The following BNC2 variants were observed in gnomAD, a reference collection of about 807,000 sequenced individuals.
BNC2 encodes zinc finger protein basonuclin-2.
In BNC2, 20 loss-of-function variants were observed where a neutral mutation model predicts 76.3. The ratio of observed to expected loss-of-function variants is 0.26; its 90% CI spans 0.18 to 0.38. The LOEUF (loss-of-function observed/expected upper bound fraction) is 0.38. BNC2 is among the 10% of genes least tolerant of loss of function. The pLI is 1.00. For missense variants in BNC2, 1,382 were observed against 1,399.8 expected (o/e 0.99, Z 0.20); for synonymous variants, 582 against 514.8 (o/e 1.13, Z -1.77).
intron 3 of BNC2, among the ~76,000 whole-genome samples, chr9:16,726,564 A>T (rs1448996754): frequency 2.8e-5 from 4 of 143,640 alleles, no homozygotes; most frequent in African/African-American, 1.1e-4. Context: ...CTTTTTAAAA[A>T]AAAAAAAAAA....
At chr9:16,573,875 C>T (rs1195941787) in intron 4 of BNC2, among the ~76,000 whole-genome samples, 1 of 152,194 alleles carries the variant, frequency 6.6e-6, no homozygotes, top group South Asian at 2.1e-4. Flanking sequence ...AAAGGCAAAA[C>T]CTGGTAAGAA....
chr9:16,748,840 CAAAAAAAAAAAAAAAA>C (rs33931163), intron 1 of BNC2, among the ~76,000 whole-genome samples: 1 of 57,228 alleles, frequency 1.7e-5, no homozygotes, highest in Non-Finnish European at 3.0e-5. Flanking sequence ...GAAACCGTCT[CAAAAAAAAAAAAAAAA>C]AAAAAAAAGC....
At chr9:16,738,214 T>A in intron 2 of BNC2, 146 bp downstream of exon 2, 1 of 868,450 alleles carries the variant, frequency 1.2e-6, no homozygotes, top group South Asian at 1.5e-5. Context: ...AGCAAATAAA[T>A]ACCTGAGTTT....
intron 5 of BNC2, among the ~76,000 whole-genome samples, chr9:16,439,277 A>G (rs193233572): frequency 1.8e-4 from 28 of 152,300 alleles, no homozygotes; most frequent in Non-Finnish European, 3.4e-4. Flanking sequence ...ACCTCAACTC[A>G]ATCATCAGAA....
At chr9:16,824,688 A>T (rs1818411939) in intron 1 of BNC2, among the ~76,000 whole-genome samples, 1 of 152,140 alleles carries the variant, frequency 6.6e-6, no homozygotes, top group Non-Finnish European at 1.5e-5. Flanking sequence ...ACCTAAAGGC[A>T]CCACACCTCT....
At chr9:16,651,580 C>T (rs1255084745) in intron 3 of BNC2, among the ~76,000 whole-genome samples, 1 of 152,138 alleles carries the variant, frequency 6.6e-6, no homozygotes, top group African/African-American at 2.4e-5. Flanking sequence ...GGCTGTTCCT[C>T]ACGTTAAATT....
chr9:16,857,408 C>T (rs1275425961), intron 1 of BNC2, among the ~76,000 whole-genome samples: 3 of 139,582 alleles, frequency 2.1e-5, no homozygotes, highest in Admixed American at 7.8e-5. Context: ...AATCGGCCGG[C>T]GGAGGTTGCA....
At chr9:16,815,138 G>C (rs550544545) in intron 1 of BNC2, among the ~76,000 whole-genome samples, 1 of 152,264 alleles carries the variant, frequency 6.6e-6, no homozygotes, top group South Asian at 2.1e-4. Context: ...ACTTAATTAA[G>C]AAGTGTAGAA....
chr9:16,683,735 C>A (rs898556292), intron 3 of BNC2, among the ~76,000 whole-genome samples: 2 of 152,070 alleles, frequency 1.3e-5, no homozygotes, highest in Admixed American at 6.6e-5. Flanking sequence ...TGTATATGTA[C>A]TAGGTATTTC....
chr9:16,589,181 A>G (rs1819853405), intron 3 of BNC2, among the ~76,000 whole-genome samples: 1 of 152,104 alleles, frequency 6.6e-6, no homozygotes, highest in South Asian at 2.1e-4. Context: ...ATAACTAAAA[A>G]AAAAAATTTT....
intron 3 of BNC2, among the ~76,000 whole-genome samples, chr9:16,587,558 G>A (rs1409949214): frequency 1.5e-4 from 22 of 151,596 alleles, no homozygotes; most frequent in Admixed American, 1.1e-3. Flanking sequence ...TAACCTACAC[G>A]TTTCTCTTCT....
At chr9:16,668,338 A>G (rs1260391606) in intron 3 of BNC2, among the ~76,000 whole-genome samples, 2 of 152,224 alleles carry the variant, frequency 1.3e-5, no homozygotes, top group Non-Finnish European at 1.5e-5. Flanking sequence ...GTGTTAATTA[A>G]GTATCCTATG....
At chr9:16,461,390 C>G (rs923559424) in intron 5 of BNC2, among the ~76,000 whole-genome samples, 2 of 152,160 alleles carry the variant, frequency 1.3e-5, no homozygotes, top group Admixed American at 1.3e-4. Context: ...CTTCACAGAA[C>G]AGAGAAGCCA....
rs536747656 is a variant in BNC2, at chr9:16,520,552, T to C, written c.669+31978A>G. Among the ~76,000 whole-genome samples, 48 of 152,270 alleles carry C rather than the reference T, an allele frequency of 3.2e-4. 2 individuals are homozygous for C. The South Asian group carries it at 7.7e-3, about 24-fold the overall frequency. On this transcript the variant is annotated intron_variant, in intron 5 of 6. Transcript: ENST00000380672. Reference sequence around the variant, plus strand: ...TCTTCTTCCTGTGTTTAGACAATGATAGCATAGATAGCAAGAGTTGGAGAG... The same window carrying C: ...TCTTCTTCCTGTGTTTAGACAATGACAGCATAGATAGCAAGAGTTGGAGAG...
intron 5 of BNC2, among the ~76,000 whole-genome samples, chr9:16,478,018 CAGG>C (rs1470625817): frequency 6.6e-6 from 1 of 152,052 alleles, no homozygotes; most frequent in Non-Finnish European, 1.5e-5. Context: ...AAACAGATGA[CAGG>C]AGTAGTCAGG....
At chr9:16,839,385 CTA>C (rs1161730402) in intron 1 of BNC2, among the ~76,000 whole-genome samples, 5 of 152,166 alleles carry the variant, frequency 3.3e-5, no homozygotes, top group African/African-American at 1.2e-4. Flanking sequence ...AGTCTTCCTT[CTA>C]TGTAGTACTA....
At chr9:16,694,215 T>C (rs1823268367) in intron 3 of BNC2, among the ~76,000 whole-genome samples, 1 of 152,256 alleles carries the variant, frequency 6.6e-6, no homozygotes, top group Non-Finnish European at 1.5e-5. Flanking sequence ...GAAAAACTTA[T>C]GTGAAAAAAG....
At chr9:16,762,352 T>G (rs145068253) in intron 1 of BNC2, among the ~76,000 whole-genome samples, 1 of 152,320 alleles carries the variant, frequency 6.6e-6, no homozygotes, top group East Asian at 1.9e-4. Flanking sequence ...CAGAGATCTT[T>G]ACCCACCCTA....
At chr9:16,469,554 C>G (rs1275027008) in intron 5 of BNC2, among the ~76,000 whole-genome samples, 4 of 152,180 alleles carry the variant, frequency 2.6e-5, no homozygotes, top group Non-Finnish European at 5.9e-5. Flanking sequence ...ATGTCTTTAT[C>G]AGCAACATGA....
Sources: gnomAD v4.1 joint callset for allele counts (sites outside exome capture counted in the v4.1 genomes callset) on GRCh38, gnomAD v4.1.1 for gene constraint, MANE v1.5 for transcripts, NCBI Gene and HGNC (gene_info 2026-07-23, HGNC 2026-07-21) for gene names.